NINJ2: variants seen among roughly 807,000 people sequenced by gnomAD.
NINJ2 encodes ninjurin 2, also known as ninjurin-2.
A neutral mutation model predicts 11.7 loss-of-function variants in NINJ2; 12 were observed. The observed-to-expected ratio is 1.02, with a 90% CI of 0.66 to 1.66. NINJ2 has a LOEUF of 1.66. Ranked by LOEUF, NINJ2 falls within the 40% of genes most tolerant of loss-of-function variation. The pLI, the probability that NINJ2 is intolerant of heterozygous loss-of-function variation, is 0.00. For missense variants in NINJ2, 187 were observed against 181.8 expected (o/e 1.03, Z -0.16); for synonymous variants, 93 against 76.8 (o/e 1.21, Z -1.10).
At chr12:637,818 TA>T (rs1276268103) in intron 1 of NINJ2, among the ~76,000 whole-genome samples, 1 of 151,702 alleles carries the variant, frequency 6.6e-6, no homozygotes, top group African/African-American at 2.4e-5. Context: ...ACGGGTGGGG[TA>T]AAAGAAATAC....
chr12:601,505 G>GCA (rs2120908287), intron 1 of NINJ2, among the ~76,000 whole-genome samples: 1 of 151,134 alleles, frequency 6.6e-6, no homozygotes, highest in South Asian at 2.1e-4. Flanking sequence ...CCAAGATCAG[G>GCA]CCACTGCACT....
intron 1 of NINJ2, among the ~76,000 whole-genome samples, chr12:568,877 CCCCCCCCCCCCCG>C (rs1337471614): frequency 1.4e-3 from 10 of 6,936 alleles, no homozygotes; most frequent in African/African-American, 8.1e-3. Context: ...TGTGAGGACA[CCCCCCCCCCCCCG>C]CCCCCCGGGT....
chr12:613,862 G>A (rs1011043430), intron 1 of NINJ2, among the ~76,000 whole-genome samples: 36 of 152,082 alleles, frequency 2.4e-4, no homozygotes, highest in African/African-American at 8.7e-4. Flanking sequence ...CCGAGATCGC[G>A]CCACTGCACT....
chr12:579,500 CAAAACAAAACAAACA>C (rs1947516574), intron 1 of NINJ2, among the ~76,000 whole-genome samples: 2 of 130,014 alleles, frequency 1.5e-5, no homozygotes, highest in African/African-American at 3.2e-5. Context: ...AAAACAAAAA[CAAAACAAAACAAACA>C]AAACAAAACA....
At chr12:601,350 T>C (rs952510671) in intron 1 of NINJ2, among the ~76,000 whole-genome samples, 45 of 147,218 alleles carry the variant, frequency 3.1e-4, no homozygotes, top group Non-Finnish European at 3.6e-4. Context: ...ATCGAGACCA[T>C]CCTGGCTAAC....
At chr12:569,314 G>A (rs965119238) in intron 1 of NINJ2, among the ~76,000 whole-genome samples, 4 of 152,220 alleles carry the variant, frequency 2.6e-5, no homozygotes, top group Admixed American at 6.5e-5. Context: ...GCAACCTGTG[G>A]TCTTAGCCCA....
chr12:565,877 G>A (rs1418613125), intron 2 of NINJ2, 73 bp downstream of exon 2: 1 of 1,309,376 alleles, frequency 7.6e-7, no homozygotes. Context: ...GGGTGGCCCA[G>A]GGGACACGTG....
chr12:655,350 T>C (rs1358391010), intron 1 of NINJ2, among the ~76,000 whole-genome samples: 2 of 152,204 alleles, frequency 1.3e-5, no homozygotes, highest in Non-Finnish European at 2.9e-5. Context: ...GATGACATGA[T>C]TGTCTATGTA....
At chr12:620,731 G>C (rs1289675444) in intron 1 of NINJ2, among the ~76,000 whole-genome samples, 1 of 152,202 alleles carries the variant, frequency 6.6e-6, no homozygotes, top group Non-Finnish European at 1.5e-5. Context: ...CTGGGTTGGA[G>C]TAATTCTCCT....
At chr12:635,001 T>C (rs1948331417) in intron 1 of NINJ2, among the ~76,000 whole-genome samples, 1 of 151,856 alleles carries the variant, frequency 6.6e-6, no homozygotes, top group African/African-American at 2.4e-5. Context: ...CCCATCGGCC[T>C]GCCAAAGTGC....
intron 1 of NINJ2, among the ~76,000 whole-genome samples, chr12:657,924 T>C (rs1296559822): frequency 6.6e-6 from 1 of 151,174 alleles, no homozygotes; most frequent in Non-Finnish European, 1.5e-5. Context: ...GATCCAGCAA[T>C]TGCAATCCTT....
chr12:634,807 G>A (rs1490700823), intron 1 of NINJ2, among the ~76,000 whole-genome samples: 1 of 152,084 alleles, frequency 6.6e-6, no homozygotes, highest in Non-Finnish European at 1.5e-5. Context: ...TCAGACCCAG[G>A]GCACCATAAC....
intron 1 of NINJ2, among the ~76,000 whole-genome samples, chr12:629,467 G>A (rs116039566): frequency 8.2e-4 from 125 of 152,236 alleles, no homozygotes; most frequent in African/African-American, 2.9e-3. Flanking sequence ...GTCTCTCCAC[G>A]CAATTAACCT....
chr12:650,243 C>T (rs1281542721), intron 1 of NINJ2, among the ~76,000 whole-genome samples: 2 of 152,028 alleles, frequency 1.3e-5, no homozygotes, highest in East Asian at 3.9e-4. Context: ...CACCACCACA[C>T]CTGGCTAATT....
intron 1 of NINJ2, among the ~76,000 whole-genome samples, chr12:576,018 C>CT (rs1409816957): frequency 1.3e-5 from 2 of 152,286 alleles, no homozygotes; most frequent in East Asian, 3.9e-4. Context: ...CGCATGCAGG[C>CT]TCCTGACTGC....
At position 575,414 on chromosome 12, in the gene NINJ2, C is replaced by G. The variant is rs780935109; in HGVS notation, c.34-9236G>C. 4.2e-4 allele frequency among the ~76,000 whole-genome samples: 64 copies of G among 152,354 alleles called. 1 individual carries two copies. The highest frequency in any genetic ancestry group is 2.6e-4 in the Non-Finnish European group (18 of 68,036). On this transcript the variant is annotated intron_variant, in intron 1 of 3. Transcript: ENST00000305108. ...CTCACTGTTCCCTGAACACACCCCA[C>G]CCTTCCCAGCTGCTCCTGCTCTGCT...
At chr12:632,878 C>T (rs1948299644) in intron 1 of NINJ2, among the ~76,000 whole-genome samples, 1 of 152,172 alleles carries the variant, frequency 6.6e-6, no homozygotes, top group Non-Finnish European at 1.5e-5. Context: ...GGAAACATCG[C>T]ACCACAGTGA....
Position 571,352 on chromosome 12 carries a change from G to A in NINJ2, c.34-5174C>T, listed in dbSNP as rs542561219. ...GGTTTGATGATTGGCATGGGATGAGGCAGGGGGGTGGGGGACACCAGAGAC... is the reference window on the plus strand; with the variant it reads ...GGTTTGATGATTGGCATGGGATGAGACAGGGGGGTGGGGGACACCAGAGAC... On this transcript the variant is annotated intron_variant, in intron 1 of 3. Coordinates refer to ENST00000305108, the MANE Select transcript of NINJ2 (RefSeq NM_016533.6). 1.7e-3 allele frequency among the ~76,000 whole-genome samples: 254 copies of A among 152,348 alleles called. 2 individuals carry two copies. Among genetic ancestry groups the A allele is most frequent in the African/African-American group, 5.6e-3 (234 of 41,576 alleles).
intron 1 of NINJ2, among the ~76,000 whole-genome samples, chr12:632,841 T>A (rs544536925): frequency 6.6e-6 from 1 of 152,206 alleles, no homozygotes. Flanking sequence ...ACTGAAGTTA[T>A]AGCCCTTTCT....
Sources: gnomAD v4.1 joint callset for allele counts (sites outside exome capture counted in the v4.1 genomes callset) on GRCh38, gnomAD v4.1.1 for gene constraint, MANE v1.5 for transcripts, NCBI Gene and HGNC (gene_info 2026-07-23, HGNC 2026-07-21) for gene names.